MNAT1: variants seen among roughly 807,000 people sequenced by gnomAD.
The protein encoded by MNAT1 is CDK-activating kinase assembly factor MAT1.
MNAT1 carries 43 observed loss-of-function variants against 42.0 expected under a neutral mutation model. The ratio of observed to expected loss-of-function variants is 1.02; its 90% CI spans 0.80 to 1.32. The LOEUF (loss-of-function observed/expected upper bound fraction) is 1.32, where lower values mean the gene tolerates loss of function less well. Among genes scored for constraint, MNAT1 ranks in the 40% most tolerant of loss-of-function variants. The pLI, the probability that MNAT1 is intolerant of heterozygous loss-of-function variation, is 0.00. For synonymous variants in MNAT1, 118 were observed against 120.0 expected (o/e 0.98, Z 0.11); for missense variants, 306 against 350.4 (o/e 0.87, Z 1.01).
chr14:60,951,627 A>T (rs2036386605), intron 7 of MNAT1, among the ~76,000 whole-genome samples: 1 of 152,004 alleles, frequency 6.6e-6, no homozygotes, highest in South Asian at 2.1e-4. Flanking sequence ...TATGGCAGCT[A>T]TTCCTTTCGT....
At chr14:60,853,846 A>G (rs567546172) in intron 6 of MNAT1, among the ~76,000 whole-genome samples, 1 of 152,170 alleles carries the variant, frequency 6.6e-6, no homozygotes, top group Non-Finnish European at 1.5e-5. Context: ...GATTGATTAC[A>G]TTTTTTGATT....
chr14:60,926,469 G>T (rs922308021), intron 7 of MNAT1, among the ~76,000 whole-genome samples: 1 of 152,208 alleles, frequency 6.6e-6, no homozygotes, highest in Admixed American at 6.5e-5. Flanking sequence ...TAAATTGGGG[G>T]TTCCCACAGA....
intron 1 of MNAT1, chr14:60,753,907 A>G (rs1413211730): frequency 2.0e-5 from 3 of 152,186 alleles, no homozygotes; most frequent in Non-Finnish European, 2.9e-5. Flanking sequence ...TTCCAAGGCT[A>G]GGTCTTTAAC....
At chr14:60,756,922 C>G (rs1369205699) in intron 1 of MNAT1, among the ~76,000 whole-genome samples, 1 of 152,078 alleles carries the variant, frequency 6.6e-6, no homozygotes, top group African/African-American at 2.4e-5. Context: ...TAAGTAGTAG[C>G]CTACAGTTTC....
chr14:60,895,335 T>G (rs2034930543), intron 7 of MNAT1, among the ~76,000 whole-genome samples: 1 of 152,234 alleles, frequency 6.6e-6, no homozygotes, highest in African/African-American at 2.4e-5. Context: ...AAGAAGTTGC[T>G]TTGTGAAGTG....
At chr14:60,743,569 G>A (rs1221790679) in intron 1 of MNAT1, among the ~76,000 whole-genome samples, 3 of 152,218 alleles carry the variant, frequency 2.0e-5, no homozygotes, top group East Asian at 1.9e-4. Flanking sequence ...GATTACAGGC[G>A]TGAGCCACTG....
chr14:60,787,976 A>G (rs997181763), intron 1 of MNAT1, among the ~76,000 whole-genome samples: 1 of 152,196 alleles, frequency 6.6e-6, no homozygotes, highest in Non-Finnish European at 1.5e-5. Context: ...TTTTCACATG[A>G]ATCACACATG....
intron 7 of MNAT1, among the ~76,000 whole-genome samples, chr14:60,961,111 C>T (rs1490791722): frequency 2.0e-5 from 3 of 152,100 alleles, no homozygotes; most frequent in Non-Finnish European, 2.9e-5. Flanking sequence ...TACAGGCATG[C>T]GCCTCTGTGT....
chr14:60,843,314 A>G (rs2033598143), intron 6 of MNAT1, among the ~76,000 whole-genome samples: 1 of 152,058 alleles, frequency 6.6e-6, no homozygotes, highest in Non-Finnish European at 1.5e-5. Context: ...TCTGTCGCCC[A>G]GGCTGGAGTA....
At chr14:60,950,398 A>G (rs1227542128) in intron 7 of MNAT1, among the ~76,000 whole-genome samples, 2 of 152,086 alleles carry the variant, frequency 1.3e-5, no homozygotes, top group African/African-American at 2.4e-5. Flanking sequence ...AAATAAAGTC[A>G]TTTTCCACTA....
chr14:60,804,718 A>AT (rs1002669723), intron 3 of MNAT1, among the ~76,000 whole-genome samples: 10 of 151,912 alleles, frequency 6.6e-5, no homozygotes, highest in Admixed American at 2.0e-4. Context: ...TTTTAATTTT[A>AT]TTTTTTTGGT....
chr14:60,949,727 G>C (rs957347211), intron 7 of MNAT1, among the ~76,000 whole-genome samples: 13 of 152,024 alleles, frequency 8.6e-5, no homozygotes, highest in African/African-American at 3.1e-4. Flanking sequence ...TTTCAGAAAA[G>C]CTTCATTTTT....
At chr14:60,834,435 C>T (rs928460455) in intron 6 of MNAT1, among the ~76,000 whole-genome samples, 8 of 152,148 alleles carry the variant, frequency 5.3e-5, no homozygotes, top group Admixed American at 5.2e-4. Flanking sequence ...CATTCAGGAG[C>T]AGGTTGTTCA....
chr14:60,804,760 C>T (rs2032316706), intron 3 of MNAT1, among the ~76,000 whole-genome samples: 1 of 152,046 alleles, frequency 6.6e-6, no homozygotes, highest in Non-Finnish European at 1.5e-5. Context: ...CCAGGCTGGT[C>T]TCAAACTCCT....
At chr14:60,820,430 T>C (rs1161900816) in intron 6 of MNAT1, among the ~76,000 whole-genome samples, 2 of 152,060 alleles carry the variant, frequency 1.3e-5, no homozygotes, top group Non-Finnish European at 2.9e-5. Context: ...TAGCAGCTGC[T>C]CCTATTTTCT....
intron 7 of MNAT1, among the ~76,000 whole-genome samples, chr14:60,903,472 A>G (rs948078814): frequency 6.6e-6 from 1 of 152,192 alleles, no homozygotes; most frequent in Non-Finnish European, 1.5e-5. Context: ...AAAAATCTTA[A>G]CACTTAAGAA....
chr14:60,916,703 G>T (rs2035522632), intron 7 of MNAT1, among the ~76,000 whole-genome samples: 1 of 152,168 alleles, frequency 6.6e-6, no homozygotes. Flanking sequence ...TGTAATCCTA[G>T]CACTTTGGGA....
At chr14:60,921,190 T>C (rs1742115514) in intron 7 of MNAT1, among the ~76,000 whole-genome samples, 1 of 152,164 alleles carries the variant, frequency 6.6e-6, no homozygotes, top group Non-Finnish European at 1.5e-5. Flanking sequence ...TTTTCAGAAA[T>C]AGAGATTATG....
At chr14:60,759,131 T>G (rs1432302178) in intron 1 of MNAT1, among the ~76,000 whole-genome samples, 1 of 152,212 alleles carries the variant, frequency 6.6e-6, no homozygotes, top group Non-Finnish European at 1.5e-5. Flanking sequence ...TTTATCTGTT[T>G]ACATATTAGG....
Sources: allele counts gnomAD v4.1 joint callset (sites outside exome capture counted in the v4.1 genomes callset), GRCh38; gene constraint gnomAD v4.1.1; transcripts MANE v1.5; gene names NCBI Gene and HGNC (gene_info 2026-07-23, HGNC 2026-07-21).